GALNT13: variants seen among roughly 807,000 people sequenced by gnomAD.
GALNT13 encodes polypeptide N-acetylgalactosaminyltransferase 13.
GALNT13 carries 28 observed loss-of-function variants against 64.2 expected under a neutral mutation model. The ratio of observed to expected loss-of-function variants is 0.44; its 90% CI spans 0.32 to 0.60. The LOEUF (loss-of-function observed/expected upper bound fraction) is 0.60, where lower values mean the gene tolerates loss of function less well. Ranked by LOEUF, GALNT13 falls within the 20% of genes least tolerant of loss-of-function variation. The pLI, the probability that GALNT13 is intolerant of heterozygous loss-of-function variation, is 0.05. For synonymous variants in GALNT13, 214 were observed against 224.6 expected (o/e 0.95, Z 0.42); for missense variants, 577 against 669.8 (o/e 0.86, Z 1.53).
At chr2:154,145,100 C>CTATCTATATATATATA (rs796615512) in intron 4 of GALNT13, among the ~76,000 whole-genome samples, 1 of 119,532 alleles carries the variant, frequency 8.4e-6, no homozygotes, top group Non-Finnish European at 1.7e-5. Flanking sequence ...ATCTATCTAT[C>CTATCTATATATATATA]TATATATATA....
intron 3 of GALNT13, among the ~76,000 whole-genome samples, chr2:153,975,322 G>T (rs1417108704): frequency 1.3e-5 from 2 of 151,784 alleles, no homozygotes; most frequent in African/African-American, 4.8e-5. Context: ...TTTTTTACTG[G>T]TGCTTTACCA....
chr2:153,644,871 T>A, the GALNT13 span, among the ~76,000 whole-genome samples: 1 of 152,128 alleles, frequency 6.6e-6, no homozygotes, highest in Admixed American at 6.6e-5. Context: ...TATTGTTTCT[T>A]CTGTCCATTA....
chr2:154,173,133 T>G (rs930231526), intron 4 of GALNT13, among the ~76,000 whole-genome samples: 3 of 151,864 alleles, frequency 2.0e-5, no homozygotes, highest in Non-Finnish European at 4.4e-5. Flanking sequence ...AACAGACATA[T>G]GGACAAATTG....
At chr2:154,037,994 T>A (rs1262430045) in intron 3 of GALNT13, among the ~76,000 whole-genome samples, 6 of 152,028 alleles carry the variant, frequency 3.9e-5, no homozygotes, top group East Asian at 1.9e-4. Context: ...AAATTTTTTT[T>A]AAAATTAGTC....
At chr2:154,120,558 G>A (rs1196576314) in intron 3 of GALNT13, among the ~76,000 whole-genome samples, 1 of 152,114 alleles carries the variant, frequency 6.6e-6, no homozygotes, top group East Asian at 1.9e-4. Context: ...GGAATGTATG[G>A]AGGTAGAAGT....
chr2:153,751,557 A>G, the GALNT13 span, among the ~76,000 whole-genome samples: 9 of 151,764 alleles, frequency 5.9e-5, no homozygotes, highest in South Asian at 2.1e-4. Context: ...TTTTTGCTCT[A>G]TTGATGCTAT....
chr2:154,444,595 A>G (rs761677983), intron 12 of GALNT13, among the ~76,000 whole-genome samples: 2 of 152,088 alleles, frequency 1.3e-5, no homozygotes, highest in Admixed American at 6.6e-5. Context: ...ATTTTAAAGG[A>G]CTTTGCTGAT....
chr2:153,832,770 C>T, the GALNT13 span, among the ~76,000 whole-genome samples: 3 of 152,192 alleles, frequency 2.0e-5, no homozygotes, highest in Admixed American at 6.6e-5. Flanking sequence ...ATAGACAAAC[C>T]TTTCCTGTAA....
At chr2:153,437,705 T>C in the GALNT13 span, among the ~76,000 whole-genome samples, 1 of 152,228 alleles carries the variant, frequency 6.6e-6, no homozygotes, top group African/African-American at 2.4e-5. Context: ...CCCTTTATTT[T>C]GAGCCTATGT....
At chr2:153,362,622 C>A in the GALNT13 span, among the ~76,000 whole-genome samples, 2 of 132,782 alleles carry the variant, frequency 1.5e-5, no homozygotes, top group African/African-American at 2.9e-5. Context: ...TTTAAACCAA[C>A]AAAGATCAAA....
rs111963358 is a variant in GALNT13, at chr2:154,113,363, G to A, written c.143-26974G>A. 6.8e-3 allele frequency among the ~76,000 whole-genome samples: 1,034 copies of A among 152,332 alleles called. 2 individuals carry two copies. Among genetic ancestry groups the A allele is most frequent in the Non-Finnish European group, 0.01 (685 of 68,020 alleles). On this transcript the variant is annotated intron_variant, in intron 3 of 12. Coordinates refer to ENST00000392825, the MANE Select transcript of GALNT13 (RefSeq NM_052917.4). The stretch of plus-strand genomic sequence containing the variant: ...TCTGTTGCGGAGCCTTCTCCGCCTG[G>A]ATTCCACTCCAAACTGGCAGCCTTT...
chr2:154,295,427 G>A (rs963810995), intron 8 of GALNT13, among the ~76,000 whole-genome samples: 1 of 150,020 alleles, frequency 6.7e-6, no homozygotes, highest in Non-Finnish European at 1.5e-5. Context: ...GCAGTGGCGC[G>A]ACCTTGGCTC....
intron 8 of GALNT13, chr2:154,287,210 G>T: frequency 4.4e-6 from 6 of 1,376,622 alleles, no homozygotes; most frequent in Non-Finnish European, 6.1e-6. Context: ...ATTTGTGGTG[G>T]AAAAGGCTGA....
the GALNT13 span, among the ~76,000 whole-genome samples, chr2:153,208,546 T>C: frequency 3.9e-5 from 6 of 152,192 alleles, no homozygotes; most frequent in African/African-American, 1.4e-4. Context: ...ACTTTGTTTA[T>C]CTGGTTGATC....
Position 154,057,717 on chromosome 2 carries a change from T to G in GALNT13, c.143-82620T>G, listed in dbSNP as rs1248226426. On this transcript the variant is annotated intron_variant, in intron 3 of 12. Coordinates refer to ENST00000392825, the MANE Select transcript of GALNT13 (RefSeq NM_052917.4). ...TTTATATTTTTGCACATGTGAAATG[T>G]CTGTATAGAAATATTTGACTAAGAT... Among the ~76,000 whole-genome samples the G allele has an allele frequency of 2.0e-5, 3 of 152,196 alleles. 1 individual carries two copies. Among genetic ancestry groups the G allele is most frequent in the Non-Finnish European group, 4.4e-5 (3 of 68,030 alleles).
chr2:153,427,121 A>C, the GALNT13 span, among the ~76,000 whole-genome samples: 1 of 152,034 alleles, frequency 6.6e-6, no homozygotes. Flanking sequence ...ATTTGTGTTA[A>C]ATGTTTTTTG....
At chr2:153,795,862 A>G in the GALNT13 span, among the ~76,000 whole-genome samples, 1 of 152,216 alleles carries the variant, frequency 6.6e-6, no homozygotes, top group Non-Finnish European at 1.5e-5. Context: ...TCAATTCACA[A>G]TTATTCACTT....
chr2:153,262,829 C>T, the GALNT13 span, among the ~76,000 whole-genome samples: 2 of 151,996 alleles, frequency 1.3e-5, no homozygotes, highest in Admixed American at 6.6e-5. Flanking sequence ...TTATTACAAA[C>T]CCAGAACAAA....
At chr2:153,794,117 G>A in the GALNT13 span, among the ~76,000 whole-genome samples, 1 of 152,014 alleles carries the variant, frequency 6.6e-6, no homozygotes, top group African/African-American at 2.4e-5. Flanking sequence ...AAAAAAGCAT[G>A]GGCAGTTTTA....
Sources: allele counts gnomAD v4.1 joint callset (sites outside exome capture counted in the v4.1 genomes callset), GRCh38; gene constraint gnomAD v4.1.1; transcripts MANE v1.5; gene names NCBI Gene and HGNC (gene_info 2026-07-23, HGNC 2026-07-21).